CCNI: variants seen among roughly 807,000 people sequenced by gnomAD.
The protein encoded by CCNI is cyclin I, also known as cyclin-I.
In CCNI, 14 loss-of-function variants were observed where a neutral mutation model predicts 34.1. That is an observed-to-expected ratio of 0.41 (90% CI 0.27 to 0.64). The LOEUF is 0.64. CCNI is among the 30% of genes least tolerant of loss of function. The probability of loss-of-function intolerance (pLI) is 0.31; values close to 1 mark genes in which losing one functional copy is unlikely to be tolerated. For missense variants in CCNI, 385 were observed against 440.5 expected, an observed-to-expected ratio of 0.87 and a Z score of 1.13; for synonymous variants, 154 against 158.4, an observed-to-expected ratio of 0.97 and a Z score of 0.21.
At chr4:77,055,867 T>A in intron 5 of CCNI, 95 bp downstream of exon 5, 1 of 1,034,082 alleles carries the variant, frequency 9.7e-7, no homozygotes, top group Non-Finnish European at 1.4e-6. Flanking sequence ...TTTTTCCTAT[T>A]TCCAGTACAA....
intron 1 of CCNI, among the ~76,000 whole-genome samples, chr4:77,068,642 T>C (rs937789439): frequency 2.6e-5 from 4 of 152,230 alleles, no homozygotes; most frequent in African/African-American, 7.2e-5. Flanking sequence ...TTCTCAACTA[T>C]GTACCTGTAA....
chr4:77,058,495 TA>T lies in CCNI; in HGVS notation c.243+11del, dbSNP rs774742866. ...AATGAGGTTATATGTAAGTCTATCT[TA>T]AAACACTTACCTTTACGGTAGCTAA... On this transcript the variant is annotated intron_variant, in intron 3 of 6. Coordinates refer to ENST00000237654, the MANE Select transcript of CCNI (RefSeq NM_006835.3). The T allele has an allele frequency of 6.2e-7, 1 of 1,607,644 alleles. No individual in the cohort carries two copies. Among genetic ancestry groups the T allele is most frequent in the Non-Finnish European group, 8.5e-7 (1 of 1,176,174 alleles).
intron 2 of CCNI, among the ~76,000 whole-genome samples, chr4:77,058,882 CAT>C (rs1183839889): frequency 1.3e-5 from 2 of 152,058 alleles, no homozygotes; most frequent in Non-Finnish European, 2.9e-5. Context: ...ACCAAATATC[CAT>C]AGTTGAATTA....
At chr4:77,058,661 G>T in intron 2 of CCNI, 26 bp from the exon 3 acceptor site, 1 of 1,603,870 alleles carries the variant, frequency 6.2e-7, no homozygotes, top group Non-Finnish European at 8.5e-7. Context: ...TTTGAAAACA[G>T]AAGACAAAGT....
In CCNI at chr4:77,056,117, G is replaced by A. The variant is rs758110054; in HGVS notation, c.319-15C>T. On this transcript the variant is annotated splice_polypyrimidine_tract_variant and intron_variant, in intron 4 of 6. Coordinates refer to ENST00000237654, the MANE Select transcript of CCNI (RefSeq NM_006835.3). Reference sequence around the variant, plus strand: ...ACTGGAATTCTCTATCCAAAGCAAAGGGGAACAGGGACAGGGAGAAAAGGA... The same window carrying A: ...ACTGGAATTCTCTATCCAAAGCAAAAGGGAACAGGGACAGGGAGAAAAGGA... 1.2e-6 allele frequency: 2 copies of A among 1,611,436 alleles called. No homozygotes were observed. Among genetic ancestry groups the A allele is most frequent in the South Asian group, 2.2e-5 (2 of 90,630 alleles).
At chr4:77,050,157 C>A (rs535113828) in intron 6 of CCNI, among the ~76,000 whole-genome samples, 2 of 152,244 alleles carry the variant, frequency 1.3e-5, no homozygotes, top group East Asian at 3.9e-4. Context: ...TACCCTTAAT[C>A]ATCTTATTTC....
intron 2 of CCNI, among the ~76,000 whole-genome samples, chr4:77,064,204 T>TTGAG (rs1728843968): frequency 6.6e-6 from 1 of 150,712 alleles, no homozygotes; most frequent in Non-Finnish European, 1.5e-5. Context: ...GATCATGCCA[T>TTGAG]TGCACTCCAG....
Position 77,047,244 on chromosome 4 carries a change from C to G in CCNI, c.*975G>C, listed in dbSNP as rs1051063178. The G allele has an allele frequency of 6.6e-6, 1 of 152,142 alleles. No homozygotes were observed. Among genetic ancestry groups the G allele is most frequent in the African/African-American group, 2.4e-5 (1 of 41,416 alleles). 9.4% of individuals were successfully genotyped at this position (152,142 alleles called of 1,614,324 possible). On this transcript the variant is annotated 3_prime_UTR_variant, in exon 7 of 7. Transcript: ENST00000237654. The stretch of plus-strand genomic sequence containing the variant: ...CCTTTTTCAGACTGCAAAGGGAGCT[C>G]AGGATCCAGAAGTCATTAAAAGAAA...
At chr4:77,048,962 G>GTTTTTTTTTTTTTTTTTTTT (rs538284505) in intron 6 of CCNI, among the ~76,000 whole-genome samples, 1 of 47,648 alleles carries the variant, frequency 2.1e-5, no homozygotes, top group Non-Finnish European at 4.7e-5. Context: ...TCCAACGTCT[G>GTTTTTTTTTTTTTTTTTTTT]TTTTTTTTTT....
chr4:77,074,006 G>GT (rs869087657), intron 1 of CCNI, among the ~76,000 whole-genome samples: 1 of 151,732 alleles, frequency 6.6e-6, no homozygotes, highest in Non-Finnish European at 1.5e-5. Context: ...TTTTTTTCTA[G>GT]TTTTTTATTT....
rs4252802 is a variant in CCNI, at chr4:77,070,704, A to C, written c.-43-4299T>G. 1.8e-3 allele frequency among the ~76,000 whole-genome samples: 267 copies of C among 152,250 alleles called. 1 individual carries two copies. Among genetic ancestry groups the C allele is most frequent in the African/African-American group, 6.1e-3 (253 of 41,562 alleles). ...CATAAGTATTAACACTAGAAACGGA[A>C]TGTAGGCCAGGTGCTGTGGCTCATT... On this transcript the variant is annotated intron_variant, in intron 1 of 6. Coordinates refer to ENST00000237654, the MANE Select transcript of CCNI (RefSeq NM_006835.3).
Position 77,055,197 on chromosome 4 carries a change from T to A in CCNI, c.643A>T (p.Ile215Phe), listed in dbSNP as rs1728132076. 1.2e-6 allele frequency: 2 copies of A among 1,614,108 alleles called. No homozygotes were observed. The highest frequency in any genetic ancestry group is 1.7e-6 in the Non-Finnish European group (2 of 1,179,944). Residue 215 changes from isoleucine (I) to phenylalanine (F), a missense_variant, in exon 6 of 7, where the codon ATT (isoleucine) becomes TTT (phenylalanine). This residue lies in a region of CCNI where 250 missense variants were observed against 248.7 expected (regional missense o/e 1.01). Coordinates refer to ENST00000237654, the MANE Select transcript of CCNI (RefSeq NM_006835.3). ...ATTGTAAGAGAAAGCCAATCAGGAA[T>A]GAGTTTCTCCATTTCCAGACTAACC... ...AMVSLEMEKL[I>F]PDWLSLTIEL... is the part of the protein sequence containing the mutation.
chr4:77,048,402 C>T lies in CCNI; in HGVS notation c.951G>A (p.Lys317=), dbSNP rs763615986. 1.9e-6 allele frequency: 3 copies of T among 1,614,112 alleles called. No individual in the cohort carries two copies. Among genetic ancestry groups the T allele is most frequent in the African/African-American group, 2.7e-5 (2 of 75,026 alleles). The change falls in exon 7 of 7, where the codon AAG becomes AAA. Residue 317 remains lysine, a synonymous_variant. Transcript: ENST00000237654. ...CTACTTTGCGTTTAGTAGAGGTCTG[C>T]TTGCACCCACTGGCAGCTGGGAGAT... The part of the protein sequence containing the change: ...YHHLPAASGC[K]QTSTKRKVEE...
At chr4:77,055,806 T>C (rs916751834) in intron 5 of CCNI, among the ~76,000 whole-genome samples, 156 bp downstream of exon 5, 1 of 152,214 alleles carries the variant, frequency 6.6e-6, no homozygotes, top group African/African-American at 2.4e-5. Context: ...TAAGCTTCAG[T>C]GATATGACAT....
At chr4:77,066,687 A>G (rs4252822) in intron 1 of CCNI, among the ~76,000 whole-genome samples, 19 of 152,336 alleles carry the variant, frequency 1.2e-4, no homozygotes, top group South Asian at 1.2e-3. Context: ...CAAATTGTCA[A>G]AACTTTGTCA....
intron 1 of CCNI, among the ~76,000 whole-genome samples, chr4:77,072,638 T>TAAAAAAAAAAAAA (rs61247567): frequency 7.9e-5 from 8 of 101,382 alleles, no homozygotes; most frequent in African/African-American, 2.0e-4. Context: ...CCCAATCTCT[T>TAAAAAAAAAAAAA]AAAAAAAAAA....
intron 2 of CCNI, among the ~76,000 whole-genome samples, chr4:77,062,491 T>TA (rs1172560236): frequency 1.3e-5 from 2 of 151,144 alleles, no homozygotes; most frequent in Non-Finnish European, 2.9e-5. Flanking sequence ...GCCTGGGAAA[T>TA]AGAGGCTGTA....
chr4:77,055,046 G>A, intron 6 of CCNI, 104 bp downstream of exon 6: 2 of 700,234 alleles, frequency 2.9e-6, no homozygotes, highest in Non-Finnish European at 4.9e-6. Context: ...CTTAAGAATG[G>A]TTTGCCATTA....
At position 77,050,508 on chromosome 4, in the gene CCNI, T is replaced by C. The variant is rs1727754356; in HGVS notation, c.691-1846A>G. ...GATGTTAGTCATTGTATAATACAAA[T>C]GCAAAGTAACTGAAACTGTCAGAAA... On this transcript the variant is annotated intron_variant, in intron 6 of 6. Transcript: ENST00000237654. Among the ~76,000 whole-genome samples, 3 of 152,156 alleles carry C rather than the reference T, an allele frequency of 2.0e-5. No individual in the cohort carries two copies. The South Asian group carries it at 6.2e-4, about 31-fold the overall frequency.
Sources: gnomAD v4.1 joint callset for allele counts (sites outside exome capture counted in the v4.1 genomes callset) on GRCh38, gnomAD v4.1.1 for gene constraint, gnomAD v4.1.1 regional missense constraint, MANE v1.5 for transcripts, NCBI Gene and HGNC (gene_info 2026-07-23, HGNC 2026-07-21) for gene names.